CCSER1: variants seen among roughly 807,000 people sequenced by gnomAD.
The protein encoded by CCSER1 is coiled-coil serine rich protein 1.
CCSER1 carries 41 observed loss-of-function variants against 82.0 expected under a neutral mutation model. The ratio of observed to expected loss-of-function variants is 0.50; its 90% CI spans 0.39 to 0.65. The LOEUF (loss-of-function observed/expected upper bound fraction) is 0.65. CCSER1 is among the 30% of genes least tolerant of loss of function. The pLI is 0.00. For synonymous variants in CCSER1, 414 were observed against 383.9 expected, an observed-to-expected ratio of 1.08 and a Z score of -0.92; for missense variants, 1,119 against 1,064.2, an observed-to-expected ratio of 1.05 and a Z score of -0.72.
At chr4:91,132,708 C>A (rs1728100607) in intron 10 of CCSER1, among the ~76,000 whole-genome samples, 1 of 152,144 alleles carries the variant, frequency 6.6e-6, no homozygotes, top group South Asian at 2.1e-4. Flanking sequence ...TATTTTAAAA[C>A]AGCATCTAAA....
intron 9 of CCSER1, among the ~76,000 whole-genome samples, chr4:91,061,764 A>T (rs1006541321): frequency 2.7e-5 from 4 of 150,176 alleles, no homozygotes; most frequent in African/African-American, 9.8e-5. Flanking sequence ...CAGTTAATTT[A>T]TTTTTTTTTC....
chr4:90,767,173 G>T (rs1186841832), intron 7 of CCSER1, among the ~76,000 whole-genome samples: 1 of 152,164 alleles, frequency 6.6e-6, no homozygotes, highest in Non-Finnish European at 1.5e-5. Flanking sequence ...TTTAAAAAAA[G>T]ATATGGCATA....
intron 10 of CCSER1, among the ~76,000 whole-genome samples, chr4:91,128,339 T>G (rs1727691734): frequency 6.6e-6 from 1 of 152,024 alleles, no homozygotes; most frequent in Non-Finnish European, 1.5e-5. Flanking sequence ...CATTCTCTTC[T>G]TCAACTTTAA....
chr4:91,583,613 G>C (rs12645754), intron 10 of CCSER1, among the ~76,000 whole-genome samples: 23,006 of 151,436 alleles, frequency 0.15, 1,774 homozygotes, highest in South Asian at 0.22. Flanking sequence ...TGCAATAATT[G>C]ACTTCTAAGC....
At chr4:90,573,197 C>T (rs969742481) in intron 5 of CCSER1, among the ~76,000 whole-genome samples, 1 of 151,750 alleles carries the variant, frequency 6.6e-6, no homozygotes, top group African/African-American at 2.4e-5. Context: ...ACAGCAGGCA[C>T]AGTGCTGGGA....
intron 10 of CCSER1, among the ~76,000 whole-genome samples, chr4:91,442,067 A>G (rs997673609): frequency 2.0e-5 from 3 of 152,132 alleles, no homozygotes; most frequent in East Asian, 1.9e-4. Context: ...TATAGATTCA[A>G]TGCCATCCCC....
chr4:90,988,916 T>G (rs1030220940), intron 9 of CCSER1, among the ~76,000 whole-genome samples: 2 of 151,794 alleles, frequency 1.3e-5, no homozygotes, highest in Admixed American at 1.3e-4. Flanking sequence ...TTTCCCTTTT[T>G]GAAAGTAAAC....
intron 6 of CCSER1, among the ~76,000 whole-genome samples, chr4:90,671,230 G>A (rs1406805796): frequency 6.6e-6 from 1 of 151,918 alleles, no homozygotes; most frequent in Non-Finnish European, 1.5e-5. Flanking sequence ...ATAATGAAGT[G>A]TGCCACATTA....
chr4:90,319,000 C>T (rs1456409803), intron 3 of CCSER1, among the ~76,000 whole-genome samples: 7 of 152,122 alleles, frequency 4.6e-5, no homozygotes, highest in South Asian at 2.1e-4. Flanking sequence ...TTGTGAGCAT[C>T]GAAATCCAAA....
intron 10 of CCSER1, among the ~76,000 whole-genome samples, chr4:91,595,869 A>G (rs1488394155): frequency 6.8e-6 from 1 of 146,968 alleles, no homozygotes; most frequent in Admixed American, 6.9e-5. Flanking sequence ...TACCCATATG[A>G]TTAACCCCTG....
chr4:91,243,070 C>G (rs969181699), intron 10 of CCSER1, among the ~76,000 whole-genome samples: 3 of 152,142 alleles, frequency 2.0e-5, no homozygotes, highest in Admixed American at 6.5e-5. Context: ...AGCCATGTAG[C>G]ATGGAGAGAG....
intron 10 of CCSER1, among the ~76,000 whole-genome samples, chr4:91,267,363 A>G (rs1310013439): frequency 6.6e-6 from 1 of 152,138 alleles, no homozygotes; most frequent in Non-Finnish European, 1.5e-5. Context: ...CATAATTGGC[A>G]TATCTATATC....
chr4:91,383,348 T>A (rs1560629095), intron 10 of CCSER1, among the ~76,000 whole-genome samples: 1 of 152,140 alleles, frequency 6.6e-6, no homozygotes, highest in East Asian at 1.9e-4. Context: ...TCATGTTATC[T>A]CACTTTTTTT....
intron 10 of CCSER1, among the ~76,000 whole-genome samples, chr4:91,289,387 A>G (rs566668287): frequency 6.6e-6 from 1 of 152,214 alleles, no homozygotes; most frequent in South Asian, 2.1e-4. Flanking sequence ...TCAGATTCAG[A>G]TATTATGAAG....
At chr4:91,385,321 A>G (rs1751214463) in intron 10 of CCSER1, among the ~76,000 whole-genome samples, 2 of 152,072 alleles carry the variant, frequency 1.3e-5, no homozygotes, top group Non-Finnish European at 2.9e-5. Flanking sequence ...TGCAAAAAAG[A>G]ACATGTAGTA....
intron 1 of CCSER1, among the ~76,000 whole-genome samples, chr4:90,226,511 TA>T (rs1743186281): frequency 1.3e-5 from 2 of 152,198 alleles, no homozygotes; most frequent in Admixed American, 6.5e-5. Flanking sequence ...GCAGTTGGTA[TA>T]AGAAAATTCA....
intron 10 of CCSER1, among the ~76,000 whole-genome samples, chr4:91,422,552 T>C (rs759185478): frequency 2.0e-5 from 3 of 152,172 alleles, no homozygotes; most frequent in Non-Finnish European, 4.4e-5. Context: ...TAGGAGGACA[T>C]TGGTGCTTAT....
rs1309528615 is a variant in CCSER1, at chr4:91,001,786, C to T, written c.2172+78339C>T. ...AGTATTGATATGTGAGGTACTATTC[C>T]ATTCATCATGCTATTTGTTGCCTGT... On this transcript the variant is annotated intron_variant, in intron 9 of 10. Coordinates refer to ENST00000509176, the MANE Select transcript of CCSER1 (RefSeq NM_001145065.2). 2.6e-5 allele frequency among the ~76,000 whole-genome samples: 4 copies of T among 152,118 alleles called. No individual in the cohort carries two copies. In the East Asian group the frequency reaches 5.8e-4, roughly 22 times the overall value.
intron 10 of CCSER1, among the ~76,000 whole-genome samples, chr4:91,470,680 G>T (rs760361643): frequency 6.6e-6 from 1 of 152,004 alleles, no homozygotes; most frequent in Non-Finnish European, 1.5e-5. Flanking sequence ...AGGAATTTTA[G>T]GTTGAATATG....
Sources: allele counts gnomAD v4.1 joint callset (sites outside exome capture counted in the v4.1 genomes callset), GRCh38; gene constraint gnomAD v4.1.1; transcripts MANE v1.5; gene names NCBI Gene and HGNC (gene_info 2026-07-23, HGNC 2026-07-21).